The following SLC22A4 variants were observed in gnomAD, a reference collection of about 807,000 sequenced individuals.
The protein encoded by SLC22A4 is ET transporter.
In SLC22A4, 39 loss-of-function variants were observed where a neutral mutation model predicts 56.6. The observed-to-expected ratio is 0.69, with a 90% CI of 0.53 to 0.90. SLC22A4 has a LOEUF of 0.90. SLC22A4 is among the 40% of genes least tolerant of loss of function. The probability of loss-of-function intolerance (pLI) is 0.00; values close to 1 mark genes in which losing one functional copy is unlikely to be tolerated. For missense variants in SLC22A4, 594 were observed against 696.5 expected, an observed-to-expected ratio of 0.85 and a Z score of 1.66; for synonymous variants, 241 against 281.4, an observed-to-expected ratio of 0.86 and a Z score of 1.44.
In SLC22A4 at chr5:132,334,804, C is replaced by T; in HGVS notation, c.1133C>T (p.Ala378Val). ...GDAYLNCFLS[A>V]LIEIPAYITA... ...GCCTACCTGAACTGTTTCCTCTCTG[C>T]CTTGATTGAAATTCCAGCTTACATT... The change falls in exon 7 of 10, where the codon GCC becomes GTC. Residue 378 changes from alanine to valine, a missense_variant. By Grantham distance (64) the Ala-to-Val change is moderately conservative. Coordinates refer to ENST00000200652, the MANE Select transcript of SLC22A4 (RefSeq NM_003059.3). The T allele has an allele frequency of 6.2e-7, 1 of 1,614,002 alleles. No individual in the cohort carries two copies. The highest frequency in any genetic ancestry group is 8.5e-7 in the Non-Finnish European group (1 of 1,179,870).
At position 132,343,919 on chromosome 5, in the gene SLC22A4, T is replaced by C; in HGVS notation, c.*84T>C. ...ATTCGTTGTTCCCACTGAAATGGAC[T>C]GACTGTAACGATTGACACCAAAATG... On this transcript the variant is annotated 3_prime_UTR_variant, in exon 10 of 10. Coordinates refer to ENST00000200652, the MANE Select transcript of SLC22A4 (RefSeq NM_003059.3). The C allele has an allele frequency of 9.7e-6, 8 of 823,826 alleles. No individual in the cohort carries two copies. Among genetic ancestry groups the C allele is most frequent in the Non-Finnish European group, 1.6e-5 (8 of 489,782 alleles). 51.0% of individuals were successfully genotyped at this position (823,826 alleles called of 1,614,324 possible). A position where few individuals can be genotyped will look rare whatever the true frequency, so the allele number is the denominator to read the frequency against.
chr5:132,320,063 A>G (rs1182271161), intron 3 of SLC22A4, among the ~76,000 whole-genome samples: 1 of 152,208 alleles, frequency 6.6e-6, no homozygotes, highest in African/African-American at 2.4e-5. Context: ...TAGGACTAAA[A>G]AGGAATTATT....
At chr5:132,304,133 G>A (rs1749969846) in intron 1 of SLC22A4, among the ~76,000 whole-genome samples, 1 of 152,216 alleles carries the variant, frequency 6.6e-6, no homozygotes, top group Non-Finnish European at 1.5e-5. Flanking sequence ...GCTAAGAGCA[G>A]CCCTTCTGGA....
At chr5:132,336,812 T>C (rs1318401474) in intron 8 of SLC22A4, among the ~76,000 whole-genome samples, 1 of 151,964 alleles carries the variant, frequency 6.6e-6, no homozygotes. Context: ...TACATAATGT[T>C]GTGCAAAACA....
At chr5:132,313,582 T>C (rs750436083) in intron 2 of SLC22A4, 32 bp from the exon 3 acceptor site, 1 of 1,609,546 alleles carries the variant, frequency 6.2e-7, no homozygotes. Flanking sequence ...AACCTACACA[T>C]CTCATGTTTT....
At chr5:132,341,302 C>T (rs1015235037) in intron 9 of SLC22A4, among the ~76,000 whole-genome samples, 8 of 151,832 alleles carry the variant, frequency 5.3e-5, no homozygotes, top group Non-Finnish European at 1.2e-4. Context: ...CCTGTAGTCC[C>T]AGCTACTCAG....
At chr5:132,311,988 A>G in intron 1 of SLC22A4, 173 bp from the exon 2 acceptor site, 1 of 700,206 alleles carries the variant, frequency 1.4e-6, no homozygotes, top group Non-Finnish European at 2.6e-6. Flanking sequence ...CAGTCCCGGC[A>G]CAGGCCAGTC....
At chr5:132,315,611 C>T (rs1398054173) in intron 3 of SLC22A4, among the ~76,000 whole-genome samples, 2 of 152,158 alleles carry the variant, frequency 1.3e-5, no homozygotes, top group Non-Finnish European at 2.9e-5. Context: ...TGTGGTCCCA[C>T]ATGCAGGGTG....
chr5:132,340,808 T>G (rs1751195481), intron 9 of SLC22A4, 108 bp downstream of exon 9: 2 of 1,104,992 alleles, frequency 1.8e-6, no homozygotes, highest in South Asian at 2.5e-5. Flanking sequence ...AGAGACTAGC[T>G]CTATCAGATA....
chr5:132,341,131 A>G (rs759118073), intron 9 of SLC22A4, among the ~76,000 whole-genome samples: 1 of 148,170 alleles, frequency 6.7e-6, no homozygotes, highest in Non-Finnish European at 1.5e-5. Context: ...AAAATAAATA[A>G]ATAATAGGCC....
In SLC22A4 at chr5:132,294,500, C is replaced by A; in HGVS notation, c.-117C>A. On this transcript the variant is annotated 5_prime_UTR_variant, in exon 1 of 10. Transcript: ENST00000200652. This position sits in a 1 kb window ranked among gnomAD's most constrained non-coding sequence, Gnocchi z 5.6. ...GGCTTCGCGCCCCAATTTCTAACAG[C>A]CTGCCTGTCCCCCGGGAACGTTCTA... is the stretch of plus-strand genomic sequence containing the variant. 1 of 1,442,924 alleles carries A rather than the reference C, an allele frequency of 6.9e-7. No homozygotes were observed. 89.4% of individuals were successfully genotyped at this position (1,442,924 alleles called of 1,614,324 possible).
chr5:132,313,613 G>A lies in SLC22A4; in HGVS notation c.498-1G>A. 2 of 1,614,190 alleles carry A rather than the reference G, an allele frequency of 1.2e-6. No individual in the cohort carries two copies. Among genetic ancestry groups the A allele is most frequent in the Non-Finnish European group, 1.7e-6 (2 of 1,179,992 alleles). ...GTTTTGTGTTATACTGCATTCTCTA[G>A]GTTTGGCAGGAAGAACGTTCTCTTC... On this transcript the variant is annotated splice_acceptor_variant, in intron 2 of 9. Transcript: ENST00000200652. LOFTEE classifies it high-confidence loss of function.
intron 9 of SLC22A4, among the ~76,000 whole-genome samples, chr5:132,343,414 C>T (rs989903741): frequency 6.6e-6 from 1 of 152,190 alleles, no homozygotes; most frequent in Non-Finnish European, 1.5e-5. Flanking sequence ...CCTGACAGAA[C>T]ATTTATAGCA....
intron 3 of SLC22A4, among the ~76,000 whole-genome samples, chr5:132,316,089 G>A (rs538593933): frequency 3.9e-5 from 6 of 152,330 alleles, no homozygotes; most frequent in South Asian, 4.1e-4. Context: ...GGTCTGGGCT[G>A]AGGAGTTTGG....
chr5:132,341,853 A>T (rs574410566), intron 9 of SLC22A4, among the ~76,000 whole-genome samples: 1 of 152,318 alleles, frequency 6.6e-6, no homozygotes, highest in Admixed American at 6.5e-5. Context: ...AGGCTGAGGC[A>T]GGAGAATCGC....
intron 1 of SLC22A4, among the ~76,000 whole-genome samples, chr5:132,302,448 G>A (rs2126701507): frequency 6.6e-6 from 1 of 152,226 alleles, no homozygotes; most frequent in Non-Finnish European, 1.5e-5. Flanking sequence ...AAGCTGTGTT[G>A]TGGTTTTATG....
chr5:132,296,697 G>T (rs1749784921), intron 1 of SLC22A4, among the ~76,000 whole-genome samples: 1 of 152,266 alleles, frequency 6.6e-6, no homozygotes, highest in Non-Finnish European at 1.5e-5. Context: ...CCTGGGAGCA[G>T]CTGAGACTGG....
Position 132,327,422 on chromosome 5 carries a change from T to C in SLC22A4, c.951+19T>C. ...TGTGGAGGTAAGCATTTGCAGATGT[T>C]TCCTCTTGAGATCAGCTATGCATTC... On this transcript the variant is annotated intron_variant, in intron 5 of 9. Coordinates refer to ENST00000200652, the MANE Select transcript of SLC22A4 (RefSeq NM_003059.3). 6.2e-7 allele frequency: 1 copy of C among 1,606,316 alleles called. No individual in the cohort carries two copies. Among genetic ancestry groups the C allele is most frequent in the South Asian group, 1.1e-5 (1 of 90,926 alleles).
intron 1 of SLC22A4, among the ~76,000 whole-genome samples, chr5:132,307,419 A>C (rs1239067410): frequency 1.3e-5 from 2 of 152,196 alleles, no homozygotes; most frequent in Non-Finnish European, 2.9e-5. Context: ...CTTTTATAAG[A>C]GCTTTTCTAG....
Sources: allele counts gnomAD v4.1 joint callset (sites outside exome capture counted in the v4.1 genomes callset), GRCh38; gene constraint gnomAD v4.1.1; non-coding constraint Gnocchi (gnomAD v3.1); transcripts MANE v1.5; gene names NCBI Gene and HGNC (gene_info 2026-07-23, HGNC 2026-07-21).